Variants in EGR3 observed in about 807,000 individuals in gnomAD.
EGR3 encodes early growth response 3.
In EGR3, 4 loss-of-function variants were observed where a neutral mutation model predicts 22.4. The observed-to-expected ratio is 0.18, with a 90% CI of 0.09 to 0.41. The LOEUF is 0.41. Among genes scored for constraint, EGR3 ranks in the 10% least tolerant of loss-of-function variants. EGR3 has a pLI of 1.00. For missense variants in EGR3, 315 were observed against 541.3 expected, an observed-to-expected ratio of 0.58 and a Z score of 4.15; for synonymous variants, 219 against 226.8, an observed-to-expected ratio of 0.97 and a Z score of 0.31.
intron 1 of EGR3, chr8:22,691,966 A>G: frequency 7.9e-7 from 1 of 1,258,986 alleles, no homozygotes; most frequent in Non-Finnish European, 1.0e-6. Context: ...TCGCCGACCC[A>G]GAGCGCTCCG....
In EGR3 at chr8:22,689,544, A is replaced by C. The variant is rs1300340255; in HGVS notation, c.*929T>G. Reference sequence around the variant, plus strand: ...GGGAAGGAGTGGGAGGGCAGGGGGCAAACTCAGGAACATAGATTTCTTAGA... The same window carrying C: ...GGGAAGGAGTGGGAGGGCAGGGGGCCAACTCAGGAACATAGATTTCTTAGA... On this transcript the variant is annotated 3_prime_UTR_variant, in exon 2 of 2. Transcript: ENST00000317216. 6.6e-6 allele frequency: 1 copy of C among 152,628 alleles called. No individual in the cohort carries two copies. Among genetic ancestry groups the C allele is most frequent in the Non-Finnish European group, 1.5e-5 (1 of 68,038 alleles). 9.5% of individuals were successfully genotyped at this position (152,628 alleles called of 1,614,324 possible). A position where few individuals can be genotyped will look rare whatever the true frequency, so the allele number is the denominator to read the frequency against.
In EGR3 at chr8:22,690,511, G is replaced by C. The variant is rs768743962; in HGVS notation, c.1126C>G (p.Pro376Ala). The C allele has an allele frequency of 6.2e-7, 1 of 1,609,892 alleles. No homozygotes were observed. Among genetic ancestry groups the C allele is most frequent in the Non-Finnish European group, 8.5e-7 (1 of 1,177,826 alleles). ...GGAPSASSAP[P>A]VSLAPVVTTC... ...GTGACCACGGGGGCCAGCGACACGG[G>C]GGGCGCCGAGGATGCAGAGGGTGCA... The change falls in exon 2 of 2, where the codon CCC becomes GCC. Residue 376 changes from proline (P) to alanine (A), a missense_variant. By Grantham distance (27) the Pro-to-Ala change is conservative. This residue lies in a region of EGR3 where 38 missense variants were observed against 37.5 expected (regional missense o/e 1.01). Coordinates refer to ENST00000317216, the MANE Select transcript of EGR3 (RefSeq NM_004430.3).
chr8:22,691,906 G>A, intron 1 of EGR3: 1 of 1,226,236 alleles, frequency 8.2e-7, no homozygotes. Flanking sequence ...GCTCCAGGAC[G>A]CCGCGCCTTT....
Position 22,691,295 on chromosome 8 carries a change from G to T in EGR3, c.342C>A (p.Pro114=). 1.2e-6 allele frequency: 2 copies of T among 1,613,884 alleles called. No individual in the cohort carries two copies. The highest frequency in any genetic ancestry group is 1.7e-6 in the Non-Finnish European group (2 of 1,180,022). Residue 114 remains proline, a synonymous_variant, in exon 2 of 2, where the codon CCC becomes CCA. Transcript: ENST00000317216. ...SLMSAGILGV[P]PASGALSTQT... Reference sequence around the variant, plus strand: ...GCGTGCTGAGCGCCCCTGAAGCCGGGGGCACCCCCAAGATGCCGGCGCTCA... The same window carrying T: ...GCGTGCTGAGCGCCCCTGAAGCCGGTGGCACCCCCAAGATGCCGGCGCTCA...
rs539954184 is a variant in EGR3 at position 22,690,352 on chromosome 8, G to C, written c.*121C>G. 893 of 797,146 alleles carry C rather than the reference G, an allele frequency of 1.1e-3. 9 individuals are homozygous for C. The East Asian group carries it at 0.021, about 19-fold the overall frequency. 49.4% of individuals were successfully genotyped at this position (797,146 alleles called of 1,614,324 possible). A position where few individuals can be genotyped will look rare whatever the true frequency, so the allele number is the denominator to read the frequency against. ...GGCATCGAAGGGGAAGCAAGGGGCCGCACGTCCATGGAGAGGCCAGGGCGC... is the reference window on the plus strand; with the variant it reads ...GGCATCGAAGGGGAAGCAAGGGGCCCCACGTCCATGGAGAGGCCAGGGCGC... On this transcript the variant is annotated 3_prime_UTR_variant, in exon 2 of 2. Coordinates refer to ENST00000317216, the MANE Select transcript of EGR3 (RefSeq NM_004430.3).
At position 22,690,428 on chromosome 8, in the gene EGR3, CG is replaced by C; in HGVS notation, c.*44del. On this transcript the variant is annotated 3_prime_UTR_variant, in exon 2 of 2. Transcript: ENST00000317216. Reference sequence around the variant, plus strand: ...TTCCCGCTGCTTTCAGGCTAGCAGCCGGGAGGCACTGGAGGGGAAAAGTGGG... The same window carrying C: ...TTCCCGCTGCTTTCAGGCTAGCAGCCGGAGGCACTGGAGGGGAAAAGTGGG... 1 of 1,509,204 alleles carries C rather than the reference CG, an allele frequency of 6.6e-7. No homozygotes were observed. The highest frequency in any genetic ancestry group is 9.0e-7 in the Non-Finnish European group (1 of 1,114,274). The allele number at this position is 1,509,204 out of a possible 1,614,324, so 93.5% of individuals were successfully genotyped here. A position where few individuals can be genotyped will look rare whatever the true frequency, so the allele number is the denominator to read the frequency against.
At chr8:22,691,551 G>C in intron 1 of EGR3, 69 bp from the exon 2 acceptor site, 2 of 1,567,582 alleles carry the variant, frequency 1.3e-6, no homozygotes, top group Non-Finnish European at 8.6e-7. Flanking sequence ...CGGCGCCCAG[G>C]TCCTTGCCCA....
In EGR3 at chr8:22,692,965, GCCGCCGCCACCGCCGCCA is replaced by G. The variant is rs762973969; in HGVS notation, c.-39_-22del. On this transcript the variant is annotated 5_prime_UTR_variant, in exon 1 of 2. Coordinates refer to ENST00000317216, the MANE Select transcript of EGR3 (RefSeq NM_004430.3). This position sits in a 1 kb window ranked among gnomAD's most constrained non-coding sequence, Gnocchi z 6.2. ...GTCATAGCACTCCCGAGCTGCCGCC[GCCGCCGCCACCGCCGCCA>G]CCGCCGCCGCTCGCTCCTAACGCAG... 2.5e-6 allele frequency: 4 copies of G among 1,597,440 alleles called. No homozygotes were observed. The highest frequency in any genetic ancestry group is 3.4e-6 in the Non-Finnish European group (4 of 1,175,028).
At position 22,690,446 on chromosome 8, in the gene EGR3, A is replaced by G. The variant is rs1803906210; in HGVS notation, c.*27T>C. ...TAGCAGCCGGGAGGCACTGGAGGGG[A>G]AAAGTGGGGATCTGGGGGCCCGATC... On this transcript the variant is annotated 3_prime_UTR_variant, in exon 2 of 2. Transcript: ENST00000317216. 1 of 1,568,488 alleles carries G rather than the reference A, an allele frequency of 6.4e-7. No homozygotes were observed. Among genetic ancestry groups the G allele is most frequent in the Non-Finnish European group, 8.7e-7 (1 of 1,155,044 alleles).
Position 22,691,993 on chromosome 8 carries a change from G to A in EGR3, c.155-511C>T, listed in dbSNP as rs1050648487. 12 of 1,284,112 alleles carry A rather than the reference G, an allele frequency of 9.3e-6. No homozygotes were observed. In the Admixed American group the frequency reaches 1.5e-4, roughly 16 times the overall value. 79.5% of individuals were successfully genotyped at this position (1,284,112 alleles called of 1,614,324 possible). On this transcript the variant is annotated intron_variant, in intron 1 of 1. Coordinates refer to ENST00000317216, the MANE Select transcript of EGR3 (RefSeq NM_004430.3). ...AGCGCTCCGACGCTTTGTCCTCGGA[G>A]CGTAGAAGGGTGTCGCCCTCAAAGG...
chr8:22,692,578 G>A lies in EGR3; in HGVS notation c.154+213C>T. Reference sequence around the variant, plus strand: ...CGTCGCCAACCTAGCCTTCTCGATCGAGGAGGGCGGGAGGAGTGGGTGGGA... The same window carrying A: ...CGTCGCCAACCTAGCCTTCTCGATCAAGGAGGGCGGGAGGAGTGGGTGGGA... On this transcript the variant is annotated intron_variant, in intron 1 of 1. Coordinates refer to ENST00000317216, the MANE Select transcript of EGR3 (RefSeq NM_004430.3). The surrounding 1 kb of genome is among the most constrained non-coding windows in gnomAD (Gnocchi z 6.2). 1 of 1,435,542 alleles carries A rather than the reference G, an allele frequency of 7.0e-7. No homozygotes were observed. The highest frequency in any genetic ancestry group is 1.4e-5 in the South Asian group (1 of 69,128). The allele number at this position is 1,435,542 out of a possible 1,614,324, so 88.9% of individuals were successfully genotyped here. A position where few individuals can be genotyped will look rare whatever the true frequency, so the allele number is the denominator to read the frequency against.
Position 22,690,675 on chromosome 8 carries a change from G to T in EGR3, c.962C>A (p.Thr321Asn). The T allele has an allele frequency of 6.2e-7, 1 of 1,614,070 alleles. No individual in the cohort carries two copies. The highest frequency in any genetic ancestry group is 8.5e-7 in the Non-Finnish European group (1 of 1,179,920). The change falls in exon 2 of 2, where the codon ACC becomes AAC. Residue 321 changes from threonine to asparagine, a missense_variant. Coordinates refer to ENST00000317216, the MANE Select transcript of EGR3 (RefSeq NM_004430.3). ...MRSFSRSDHLTTHIRTHTGEK... is the reference protein window; with the variant it reads ...MRSFSRSDHLNTHIRTHTGEK... ...GCCCGTATGAGTGCGGATGTGAGTGGTGAGGTGGTCGCTGCGGCTGAAGCT... is the reference window on the plus strand; with the variant it reads ...GCCCGTATGAGTGCGGATGTGAGTGTTGAGGTGGTCGCTGCGGCTGAAGCT...
intron 1 of EGR3, chr8:22,691,742 C>T (rs1803967110): frequency 1.0e-6 from 1 of 985,216 alleles, no homozygotes; most frequent in Non-Finnish European, 1.2e-6. Flanking sequence ...CACTCACGTA[C>T]CACACACACA....
Position 22,691,150 on chromosome 8 carries a change from G to C in EGR3, c.487C>G (p.Pro163Ala). ...LYSEPVSFHD[P>A]QGNPGLAYSP... ...TAGGCGAGCCCGGGATTGCCCTGGGGGTCGTGGAAAGACACGGGCTCTGAG... is the reference window on the plus strand; with the variant it reads ...TAGGCGAGCCCGGGATTGCCCTGGGCGTCGTGGAAAGACACGGGCTCTGAG... The change falls in exon 2 of 2, where the codon CCC (proline) becomes GCC (alanine). Residue 163 changes from proline to alanine, a missense_variant. Around this residue, in one of 4 missense-constraint regions of EGR3, gnomAD observed 227 missense variants for 303.6 expected, o/e 0.75. Transcript: ENST00000317216. The C allele has an allele frequency of 6.2e-7, 1 of 1,614,112 alleles. No individual in the cohort carries two copies. Among genetic ancestry groups the C allele is most frequent in the South Asian group, 1.1e-5 (1 of 91,082 alleles).
In EGR3 at chr8:22,690,162, TGGCGCGGCCCGGC is replaced by T; in HGVS notation, c.*298_*310del. On this transcript the variant is annotated 3_prime_UTR_variant, in exon 2 of 2. Transcript: ENST00000317216. ...CCGCCTTCAGTCCCTTGCAGGTCCT[TGGCGCGGCCCGGC>T]GGCCCCTGGATCAAGGCGATCCGAA... The T allele has an allele frequency of 2.4e-6, 1 of 417,334 alleles. No individual in the cohort carries two copies. The highest frequency in any genetic ancestry group is 4.3e-6 in the Non-Finnish European group (1 of 233,098). The allele number at this position is 417,334 out of a possible 1,614,324, so 25.9% of individuals were successfully genotyped here.
At position 22,693,214 on chromosome 8, in the gene EGR3, G is replaced by A. The variant is rs1217300355; in HGVS notation, c.-270C>T. The A allele has an allele frequency of 6.9e-6, 1 of 144,610 alleles. No homozygotes were observed. 9.0% of individuals were successfully genotyped at this position (144,610 alleles called of 1,614,324 possible). On this transcript the variant is annotated 5_prime_UTR_variant, in exon 1 of 2. Transcript: ENST00000317216. ...TGCGGTATGAGGCTGGGTCGTGGGG[G>A]GGGTGGGGCGTGTGCGGGGGGTGGG...
chr8:22,690,881 G>T lies in EGR3; in HGVS notation c.756C>A (p.Thr252=). The part of the protein sequence containing the change: ...GFGSLPQPPL[T]LKPIRPRKYP... The stretch of plus-strand genomic sequence containing the variant: ...ACTTGCGGGGCCGGATGGGCTTGAG[G>T]GTGAGCGGCGGCTGGGGCAGGCTGC... The change falls in exon 2 of 2, where the codon ACC becomes ACA. Residue 252 remains threonine (T), a synonymous_variant. Coordinates refer to ENST00000317216, the MANE Select transcript of EGR3 (RefSeq NM_004430.3). 1.9e-6 allele frequency: 3 copies of T among 1,587,534 alleles called. No homozygotes were observed. Among genetic ancestry groups the T allele is most frequent in the Middle Eastern group, 1.7e-4 (1 of 5,922 alleles).
chr8:22,691,754 G>A (rs188253995), intron 1 of EGR3: 14 of 973,118 alleles, frequency 1.4e-5, no homozygotes, highest in African/African-American at 1.8e-5. Flanking sequence ...ACACACACAC[G>A]CGCGCGCGCG....
rs1485047033 is a variant in EGR3, at chr8:22,687,667, A to C, written c.*2806T>G. On this transcript the variant is annotated 3_prime_UTR_variant, in exon 2 of 2. Transcript: ENST00000317216. This position sits in a 1 kb window ranked among gnomAD's most constrained non-coding sequence, Gnocchi z 4.7. ...AACAAACCAAGACAAAAAACAGGCC[A>C]AACTAAAGCTTTATGCTATAAAAAC... 6.6e-6 allele frequency: 1 copy of C among 152,664 alleles called. No individual in the cohort carries two copies. Among genetic ancestry groups the C allele is most frequent in the Non-Finnish European group, 1.5e-5 (1 of 68,052 alleles). 9.5% of individuals were successfully genotyped at this position (152,664 alleles called of 1,614,324 possible).
Sources: allele counts gnomAD v4.1 joint callset, GRCh38; gene constraint gnomAD v4.1.1; regional missense constraint gnomAD v4.1.1; non-coding constraint Gnocchi (gnomAD v3.1); transcripts MANE v1.5; gene names NCBI Gene and HGNC (gene_info 2026-07-23, HGNC 2026-07-21).